The following SPOCK3 variants were observed in gnomAD, a reference collection of about 807,000 sequenced individuals.
SPOCK3 encodes testican-3.
Under a neutral mutation model 56.6 loss-of-function variants are expected in SPOCK3, and 30 were observed. The observed-to-expected ratio is 0.53, with a 90% CI of 0.40 to 0.72. SPOCK3 has a LOEUF of 0.72. SPOCK3 is among the 30% of genes least tolerant of loss of function. SPOCK3 has a pLI of 0.00. For synonymous variants in SPOCK3, 196 were observed against 183.3 expected (o/e 1.07, Z -0.56); for missense variants, 527 against 530.0 (o/e 0.99, Z 0.06).
rs186204469 is a variant in SPOCK3 at position 166,838,009 on chromosome 4, C to T, written c.590-45720G>A. On this transcript the variant is annotated intron_variant, in intron 6 of 10. Coordinates refer to ENST00000357545, the MANE Select transcript of SPOCK3 (RefSeq NM_001040159.2). ...TATATCGTGTTGCTTTCTTCTTGCC[C>T]TCATCGTTTCTAATGTTATGTCCAT... 2.6e-3 allele frequency among the ~76,000 whole-genome samples: 392 copies of T among 152,186 alleles called. 2 individuals are homozygous for T. The highest frequency in any genetic ancestry group is 2.8e-3 in the Non-Finnish European group (192 of 68,010).
chr4:166,808,031 T>C (rs1323712976), intron 6 of SPOCK3, among the ~76,000 whole-genome samples: 2 of 152,116 alleles, frequency 1.3e-5, no homozygotes, highest in African/African-American at 4.8e-5. Flanking sequence ...GCAGCATATT[T>C]CCAGAGTAGA....
chr4:166,795,839 T>A (rs1216561071), intron 6 of SPOCK3, among the ~76,000 whole-genome samples: 1 of 152,130 alleles, frequency 6.6e-6, no homozygotes, highest in Non-Finnish European at 1.5e-5. Context: ...TCTTAAAATG[T>A]CCCCTCATTC....
intron 4 of SPOCK3, among the ~76,000 whole-genome samples, chr4:166,951,815 G>C (rs1017318512): frequency 2.6e-4 from 40 of 151,770 alleles, no homozygotes; most frequent in African/African-American, 8.7e-4. Flanking sequence ...CATATAAACA[G>C]AACCAAAGAC....
intron 2 of SPOCK3, among the ~76,000 whole-genome samples, chr4:167,223,414 T>G (rs1002780010): frequency 1.3e-5 from 2 of 149,462 alleles, no homozygotes; most frequent in African/African-American, 4.9e-5. Flanking sequence ...TAGAGAGAGA[T>G]ATATATTAAA....
chr4:166,968,670 A>T (rs1183872331), intron 4 of SPOCK3, among the ~76,000 whole-genome samples: 3 of 137,430 alleles, frequency 2.2e-5, no homozygotes, highest in African/African-American at 1.1e-4. Flanking sequence ...CTTGGATGTC[A>T]AGGCAGAAGT....
rs192017956 is a variant in SPOCK3, at chr4:166,789,427, C to G, written c.709+2743G>C. On this transcript the variant is annotated intron_variant, in intron 7 of 10. Transcript: ENST00000357545. ...CTGGGCAACAAGAGCGAAACGCTGTCTCAAAAAAAGAAAAAAACCAAAACC... is the reference window on the plus strand; with the variant it reads ...CTGGGCAACAAGAGCGAAACGCTGTGTCAAAAAAAGAAAAAAACCAAAACC... Among the ~76,000 whole-genome samples, 17 of 151,992 alleles carry G rather than the reference C, an allele frequency of 1.1e-4. No individual in the cohort carries two copies. In the East Asian group the frequency reaches 3.3e-3, roughly 29 times the overall value.
chr4:166,745,251 A>T (rs1396467087), intron 8 of SPOCK3, among the ~76,000 whole-genome samples: 1 of 137,160 alleles, frequency 7.3e-6, no homozygotes, highest in Non-Finnish European at 1.6e-5. Flanking sequence ...AGGTCGGGTT[A>T]CCCACAAAGG....
intron 2 of SPOCK3, among the ~76,000 whole-genome samples, chr4:167,205,585 A>G (rs1474398210): frequency 1.1e-5 from 1 of 87,598 alleles, no homozygotes; most frequent in African/African-American, 4.6e-5. Context: ...AATATAATAT[A>G]AAATATATTT....
chr4:167,211,454 G>A (rs1036802946), intron 2 of SPOCK3, among the ~76,000 whole-genome samples: 1 of 152,178 alleles, frequency 6.6e-6, no homozygotes, highest in African/African-American at 2.4e-5. Context: ...GGGGCGGAAT[G>A]ACATGGTTTG....
chr4:166,951,189 C>A (rs1351517571), intron 4 of SPOCK3, among the ~76,000 whole-genome samples: 5 of 142,822 alleles, frequency 3.5e-5, no homozygotes, highest in East Asian at 3.9e-4. Context: ...AGACTGCTAG[C>A]AAGACTAATA....
intron 2 of SPOCK3, among the ~76,000 whole-genome samples, chr4:167,167,283 G>A (rs185781549): frequency 2.6e-5 from 4 of 152,226 alleles, no homozygotes; most frequent in African/African-American, 7.2e-5. Context: ...GAGGATGTAA[G>A]GAGTGTAATT....
intron 6 of SPOCK3, among the ~76,000 whole-genome samples, chr4:166,812,216 A>C (rs2126728468): frequency 6.6e-6 from 1 of 151,998 alleles, no homozygotes; most frequent in East Asian, 1.9e-4. Context: ...TAATGCACAA[A>C]ATTAATCAAG....
chr4:166,978,370 T>G (rs1279793729), intron 4 of SPOCK3, among the ~76,000 whole-genome samples: 2 of 151,824 alleles, frequency 1.3e-5, no homozygotes, highest in Non-Finnish European at 2.9e-5. Flanking sequence ...GCCTTATGAG[T>G]CAAATAGGGA....
chr4:166,836,307 C>T (rs1746614282), intron 6 of SPOCK3, among the ~76,000 whole-genome samples: 1 of 152,128 alleles, frequency 6.6e-6, no homozygotes. Flanking sequence ...GTATTAAATT[C>T]TCAACACGAT....
At chr4:166,878,547 C>A (rs1402268222) in intron 6 of SPOCK3, among the ~76,000 whole-genome samples, 3 of 151,572 alleles carry the variant, frequency 2.0e-5, no homozygotes, top group African/African-American at 4.9e-5. Context: ...TATAAAAAAT[C>A]TTTAAAATGT....
intron 4 of SPOCK3, among the ~76,000 whole-genome samples, chr4:166,965,805 G>C (rs12511389): frequency 3.3e-5 from 5 of 151,782 alleles, no homozygotes; most frequent in Admixed American, 1.3e-4. Flanking sequence ...ATCCCCACTA[G>C]AGCGGTACAT....
intron 3 of SPOCK3, among the ~76,000 whole-genome samples, chr4:167,057,872 G>A (rs531050031): frequency 3.9e-5 from 6 of 152,240 alleles, no homozygotes; most frequent in Non-Finnish European, 8.8e-5. Context: ...ACATTAGACA[G>A]ATCAACAAGA....
At chr4:167,004,254 C>T (rs1368567397) in intron 3 of SPOCK3, among the ~76,000 whole-genome samples, 1 of 152,096 alleles carries the variant, frequency 6.6e-6, no homozygotes, top group Non-Finnish European at 1.5e-5. Context: ...GAATGAGCGA[C>T]ACCTTAGGTA....
chr4:166,924,571 C>T (rs1738856317), intron 4 of SPOCK3, among the ~76,000 whole-genome samples: 1 of 152,188 alleles, frequency 6.6e-6, no homozygotes, highest in Admixed American at 6.5e-5. Flanking sequence ...CAACTGGAGG[C>T]CATAAAATAT....
Sources: allele counts gnomAD v4.1 joint callset (sites outside exome capture counted in the v4.1 genomes callset), GRCh38; gene constraint gnomAD v4.1.1; transcripts MANE v1.5; gene names NCBI Gene and HGNC (gene_info 2026-07-23, HGNC 2026-07-21).